DIAPH2: variants seen among roughly 807,000 people sequenced by gnomAD.
The protein encoded by DIAPH2 is protein diaphanous homolog 2.
Under a neutral mutation model 92.7 loss-of-function variants are expected in DIAPH2, and 35 were observed. That is an observed-to-expected ratio of 0.38 (90% CI 0.29 to 0.50). The LOEUF (loss-of-function observed/expected upper bound fraction) is 0.50. Ranked by LOEUF, DIAPH2 falls within the 20% of genes least tolerant of loss-of-function variation. The pLI, the probability that DIAPH2 is intolerant of heterozygous loss-of-function variation, is 0.94. For missense variants in DIAPH2, 701 were observed against 819.5 expected (o/e 0.86, Z 1.77); for synonymous variants, 301 against 280.4 (o/e 1.07, Z -0.73).
chrX:97,145,282 CAGTAGTAGTAGTAGTAGTAGTAGT>C (rs3044923), intron 22 of DIAPH2, among the ~76,000 whole-genome samples: 1 of 92,105 alleles, frequency 1.1e-5, no homozygotes. Context: ...GAACTACTAC[CAGTAGTAGTAGTAGTAGTAGTAGT>C]AGTAGTAGTA....
intron 17 of DIAPH2, among the ~76,000 whole-genome samples, chrX:97,018,842 T>A (rs1241898957): frequency 8.9e-6 from 1 of 111,850 alleles, no homozygotes; most frequent in Non-Finnish European, 1.9e-5. Context: ...ATCATGTATC[T>A]ACCATTTTAG....
chrX:96,842,802 G>T (rs1238770217), intron 4 of DIAPH2, among the ~76,000 whole-genome samples: 1 of 111,316 alleles, frequency 9.0e-6, no homozygotes, highest in African/African-American at 3.3e-5. Context: ...ATACTTTAGT[G>T]GGGGTAGGAG....
chrX:96,702,530 TA>T (rs773654300), intron 1 of DIAPH2, among the ~76,000 whole-genome samples: 2 of 112,038 alleles, frequency 1.8e-5, no homozygotes, highest in Non-Finnish European at 3.8e-5. Context: ...AATGAAGTAT[TA>T]GGGATGACTT....
At chrX:96,801,282 C>A (rs2064580421) in intron 4 of DIAPH2, among the ~76,000 whole-genome samples, 1 of 111,899 alleles carries the variant, frequency 8.9e-6, no homozygotes, top group South Asian at 3.7e-4. Flanking sequence ...ATATTTCTTT[C>A]TTAAATCTTT....
intron 17 of DIAPH2, among the ~76,000 whole-genome samples, chrX:96,990,074 A>G (rs748976551): frequency 8.9e-6 from 1 of 112,161 alleles, no homozygotes; most frequent in South Asian, 3.7e-4. Context: ...CATGTCCCAG[A>G]CTATACTGGA....
intron 17 of DIAPH2, among the ~76,000 whole-genome samples, chrX:96,983,672 A>G (rs768567643): frequency 4.6e-4 from 51 of 111,366 alleles, no homozygotes; most frequent in Non-Finnish European, 7.9e-4. Context: ...ATATATTTTA[A>G]CTAAGGTTTA....
chrX:96,973,132 G>A (rs775849143), intron 17 of DIAPH2, among the ~76,000 whole-genome samples: 45 of 111,654 alleles, frequency 4.0e-4, no homozygotes, highest in Non-Finnish European at 7.5e-4. Flanking sequence ...TACAGTTGGC[G>A]TCTCATCTCT....
At chrX:96,806,676 ATTATATTT>A (rs1353661939) in intron 4 of DIAPH2, among the ~76,000 whole-genome samples, 2 of 106,083 alleles carry the variant, frequency 1.9e-5, no homozygotes, top group Admixed American at 1.0e-4. Context: ...AAACAAAGAA[ATTATATTT>A]CATTTGTCCT....
At chrX:96,974,121 C>T (rs2065945913) in intron 17 of DIAPH2, among the ~76,000 whole-genome samples, 2 of 111,634 alleles carry the variant, frequency 1.8e-5, no homozygotes, top group Non-Finnish European at 1.9e-5. Flanking sequence ...TGGAGACAGT[C>T]TTGGGCCAAT....
intron 17 of DIAPH2, among the ~76,000 whole-genome samples, chrX:97,012,066 A>ATATC (rs1240467627): frequency 9.0e-6 from 1 of 110,571 alleles, no homozygotes; most frequent in African/African-American, 3.3e-5. Flanking sequence ...CACTTGGGAG[A>ATATC]TGGACATGAA....
chrX:96,977,832 C>T lies in DIAPH2; in HGVS notation c.2050+12625C>T, dbSNP rs186073773. 1.7e-3 allele frequency among the ~76,000 whole-genome samples: 189 copies of T among 111,165 alleles called. 2 individuals carry two copies. The highest frequency in any genetic ancestry group is 3.0e-3 in the Non-Finnish European group (160 of 52,961). On this transcript the variant is annotated intron_variant, in intron 17 of 26. Coordinates refer to ENST00000324765, the MANE Select transcript of DIAPH2 (RefSeq NM_006729.5). ...CCAAGTAGCTGGGATTATAGGTGCA[C>T]ACCACCATGCCTGGCTAATTTTTGT...
intron 17 of DIAPH2, among the ~76,000 whole-genome samples, chrX:97,018,831 C>T (rs1306675795): frequency 9.0e-6 from 1 of 111,641 alleles, no homozygotes; most frequent in Non-Finnish European, 1.9e-5. Flanking sequence ...TGTTTTGACA[C>T]ATCATGTATC....
intron 23 of DIAPH2, among the ~76,000 whole-genome samples, chrX:97,264,499 A>G (rs2068318619): frequency 1.8e-5 from 2 of 111,797 alleles, no homozygotes; most frequent in Non-Finnish European, 3.8e-5. Context: ...ATGACTATTC[A>G]TTTTCTTGCT....
intron 4 of DIAPH2, among the ~76,000 whole-genome samples, chrX:96,860,592 G>A (rs995379154): frequency 3.6e-5 from 4 of 111,127 alleles, no homozygotes; most frequent in African/African-American, 1.3e-4. Context: ...TAGTATTTTG[G>A]ACAATTTACC....
At chrX:97,274,055 A>G (rs868554007) in intron 23 of DIAPH2, among the ~76,000 whole-genome samples, 16 of 99,828 alleles carry the variant, frequency 1.6e-4, no homozygotes, top group African/African-American at 5.7e-4. Context: ...GTGTGTGTGT[A>G]TAGAGAGAGA....
intron 22 of DIAPH2, among the ~76,000 whole-genome samples, chrX:97,234,353 A>AAAG (rs2068031939): frequency 9.2e-6 from 1 of 108,470 alleles, no homozygotes; most frequent in African/African-American, 3.3e-5. Flanking sequence ...AAAAAAGAAA[A>AAAG]AAAGAAATCC....
intron 4 of DIAPH2, among the ~76,000 whole-genome samples, chrX:96,815,183 G>A (rs1187836807): frequency 1.8e-5 from 2 of 112,028 alleles, no homozygotes; most frequent in Admixed American, 9.4e-5. Context: ...GCTGCAGTGG[G>A]CTCTGCCCAG....
intron 9 of DIAPH2, among the ~76,000 whole-genome samples, chrX:96,923,316 G>C (rs1201731251): frequency 8.9e-6 from 1 of 111,883 alleles, no homozygotes; most frequent in Non-Finnish European, 1.9e-5. Context: ...TTTGTAATTA[G>C]ATATGGTACA....
intron 17 of DIAPH2, among the ~76,000 whole-genome samples, chrX:97,042,678 A>G (rs1459048670): frequency 8.9e-6 from 1 of 112,082 alleles, no homozygotes; most frequent in Non-Finnish European, 1.9e-5. Flanking sequence ...TATCAAATAA[A>G]TGAAATAATT....
Sources: gnomAD v4.1 joint callset for allele counts (sites outside exome capture counted in the v4.1 genomes callset) on GRCh38, gnomAD v4.1.1 for gene constraint, MANE v1.5 for transcripts, NCBI Gene and HGNC (gene_info 2026-07-23, HGNC 2026-07-21) for gene names.